CPEB2: variants seen among roughly 807,000 people sequenced by gnomAD.
CPEB2 encodes cytoplasmic polyadenylation element binding protein 2, also known as cytoplasmic polyadenylation element-binding protein 2.
A neutral mutation model predicts 93.6 loss-of-function variants in CPEB2; 56 were observed. That is an observed-to-expected ratio of 0.60 (90% confidence interval 0.48 to 0.75). The LOEUF is 0.75. Ranked by LOEUF, CPEB2 falls within the 30% of genes least tolerant of loss-of-function variation. The probability of loss-of-function intolerance (pLI) is 0.00; values close to 1 mark genes in which losing one functional copy is unlikely to be tolerated. For missense variants in CPEB2, 1,579 were observed against 1,395.1 expected, an observed-to-expected ratio of 1.13 and a Z score of -2.10; for synonymous variants, 764 against 586.3, an observed-to-expected ratio of 1.30 and a Z score of -4.38.
At chr4:15,056,933 TAAC>T (rs1244735430) in intron 8 of CPEB2, among the ~76,000 whole-genome samples, 1 of 152,134 alleles carries the variant, frequency 6.6e-6, no homozygotes, top group African/African-American at 2.4e-5. Flanking sequence ...TCCCTAATAA[TAAC>T]AAAAATTGAG....
At position 15,052,452 on chromosome 4, in the gene CPEB2, G is replaced by C; in HGVS notation, c.2239G>C (p.Asp747His). Residue 747 changes from aspartate to histidine, a missense_variant, in exon 7 of 12, where the codon GAT becomes CAT. This residue lies in a region of CPEB2 where 1,411 missense variants were observed against 1,056.0 expected (regional missense o/e 1.34). Coordinates refer to ENST00000538197, the MANE Select transcript of CPEB2 (RefSeq NM_001177382.2). ...CTTTCCAATAGATGATGGCTTGCTT[G>C]ATGATGGTCACAGTGATCAAGTTGG... The part of the protein sequence containing the change: ...SLFPIDDGLL[D>H]DGHSDQVGVL... 1 of 1,566,658 alleles carries C rather than the reference G, an allele frequency of 6.4e-7. No homozygotes were observed. The highest frequency in any genetic ancestry group is 8.7e-7 in the Non-Finnish European group (1 of 1,151,526).
chr4:15,019,162 G>A lies in CPEB2; in HGVS notation c.2125+1884G>A, dbSNP rs183180628. ...ACGTGGAATATTTTATCTTCCACGTGTTTTATGACGGAATTTTTAAGTAGA... is the reference window on the plus strand; with the variant it reads ...ACGTGGAATATTTTATCTTCCACGTATTTTATGACGGAATTTTTAAGTAGA... On this transcript the variant is annotated intron_variant, in intron 4 of 11. Transcript: ENST00000538197. Among the ~76,000 whole-genome samples the A allele has an allele frequency of 2.9e-3, 443 of 151,066 alleles. 6 individuals carry two copies. The highest frequency in any genetic ancestry group is 0.011 in the African/African-American group (438 of 41,238).
At chr4:15,024,232 G>C (rs1384622773) in intron 4 of CPEB2, among the ~76,000 whole-genome samples, 2 of 151,522 alleles carry the variant, frequency 1.3e-5, no homozygotes, top group Non-Finnish European at 2.9e-5. Context: ...TTTTTCTGTG[G>C]AATCCATGTC....
At chr4:15,014,946 A>G (rs1170867836) in intron 3 of CPEB2, among the ~76,000 whole-genome samples, 1 of 151,968 alleles carries the variant, frequency 6.6e-6, no homozygotes, top group Non-Finnish European at 1.5e-5. Context: ...TTAATATTTC[A>G]TTTATTTTAG....
intron 2 of CPEB2, among the ~76,000 whole-genome samples, chr4:15,007,944 T>A (rs1723039792): frequency 6.6e-6 from 1 of 152,204 alleles, no homozygotes; most frequent in Non-Finnish European, 1.5e-5. Context: ...TAATATGTTC[T>A]GTAATTGTAA....
Position 15,003,735 on chromosome 4 carries a change from C to CGGCGGCGGG in CPEB2, c.1068_1076dup (p.Gly358_Gly360dup), listed in dbSNP as rs766533750. On this transcript the variant is annotated inframe_insertion, in exon 1 of 12. Coordinates refer to ENST00000538197, the MANE Select transcript of CPEB2 (RefSeq NM_001177382.2). ...ACCTTCCACACCCGGGCGGCGGCGG[C>CGGCGGCGGG]GGCGGCGGGGGCGGGGGGCCCCCAG... 115 of 1,211,332 alleles carry CGGCGGCGGG rather than the reference C, an allele frequency of 9.5e-5. No homozygotes were observed. The highest frequency in any genetic ancestry group is 2.9e-4 in the Middle Eastern group (1 of 3,428). 75.0% of individuals were successfully genotyped at this position (1,211,332 alleles called of 1,614,324 possible).
At position 15,003,691 on chromosome 4, in the gene CPEB2, A is replaced by C; in HGVS notation, c.1018A>C (p.Ser340Arg). ...PGGALGAGAF[S>R]SLQSPDLPHP... ...AGGTGCGCTTGGCGCGGGCGCCTTC[A>C]GCAGCCTGCAGAGCCCGGACCTTCC... is the stretch of plus-strand genomic sequence containing the variant. The change falls in exon 1 of 12, where the codon AGC becomes CGC. Residue 340 changes from serine to arginine, a missense_variant. Around this residue, in one of 2 missense-constraint regions of CPEB2, gnomAD observed 1,411 missense variants for 1,056.0 expected, o/e 1.34. Transcript: ENST00000538197. 1 of 1,453,062 alleles carries C rather than the reference A, an allele frequency of 6.9e-7. No homozygotes were observed. The highest frequency in any genetic ancestry group is 1.3e-5 in the South Asian group (1 of 76,464). 90.0% of individuals were successfully genotyped at this position (1,453,062 alleles called of 1,614,324 possible).
intron 4 of CPEB2, among the ~76,000 whole-genome samples, chr4:15,018,806 A>G (rs574732588): frequency 9.3e-5 from 14 of 149,858 alleles, no homozygotes; most frequent in Non-Finnish European, 2.1e-4. Context: ...GTTAGACAAA[A>G]TGTTCATTGT....
chr4:15,062,780 T>C (rs1560257058), intron 11 of CPEB2, among the ~76,000 whole-genome samples: 3 of 152,138 alleles, frequency 2.0e-5, no homozygotes, highest in Non-Finnish European at 2.9e-5. Flanking sequence ...TAAAAATGCA[T>C]TGTGTGTATT....
Position 15,062,013 on chromosome 4 carries a change from A to T in CPEB2, c.2696-66A>T. On this transcript the variant is annotated intron_variant, in intron 10 of 11. Transcript: ENST00000538197. Reference sequence around the variant, plus strand: ...CTATTGACTTTTACGTTTTACAAAAAGTACTTAAAAATTGTTGATTACTGT... The same window carrying T: ...CTATTGACTTTTACGTTTTACAAAATGTACTTAAAAATTGTTGATTACTGT... The T allele has an allele frequency of 2.9e-6, 4 of 1,390,372 alleles. No homozygotes were observed. The East Asian group carries it at 9.3e-5, about 32-fold the overall frequency. 86.1% of individuals were successfully genotyped at this position (1,390,372 alleles called of 1,614,324 possible). A position where few individuals can be genotyped will look rare whatever the true frequency, so the allele number is the denominator to read the frequency against.
intron 6 of CPEB2, among the ~76,000 whole-genome samples, chr4:15,048,459 T>C (rs770337947): frequency 1.3e-5 from 2 of 152,042 alleles, no homozygotes; most frequent in Non-Finnish European, 2.9e-5. Context: ...AAGCTGCATT[T>C]TTCAAGGGAT....
rs781648039 is a variant in CPEB2, at chr4:15,017,257, G to C, written c.2104G>C (p.Ala702Pro). Reference sequence around the variant, plus strand: ...AAATTCCCTTATCGATATTATGAGAGCAGAGCATGATCCTCTTAAGGGTAG... The same window carrying C: ...AAATTCCCTTATCGATATTATGAGACCAGAGCATGATCCTCTTAAGGGTAG... The part of the protein sequence containing the change: ...LENSLIDIMR[A>P]EHDPLKGRLS... The change falls in exon 4 of 12, where the codon GCA (alanine) becomes CCA (proline). Residue 702 changes from alanine (A) to proline (P), a missense_variant. By Grantham distance (27) the Ala-to-Pro change is conservative (BLOSUM62 -1). Transcript: ENST00000538197. 4 of 1,593,980 alleles carry C rather than the reference G, an allele frequency of 2.5e-6. No individual in the cohort carries two copies. The highest frequency in any genetic ancestry group is 2.2e-5 in the South Asian group (2 of 90,462).
chr4:15,015,435 GCATTCCTTCCGT>G (rs766092298), intron 3 of CPEB2, among the ~76,000 whole-genome samples: 30 of 152,022 alleles, frequency 2.0e-4, no homozygotes, highest in Middle Eastern at 3.2e-3. Flanking sequence ...CTCCAGTCTA[GCATTCCTTCCGT>G]CATTCAGTGT....
Position 15,017,664 on chromosome 4 carries a change from A to C in CPEB2, c.2125+386A>C, listed in dbSNP as rs192438113. The C allele has an allele frequency of 1.7e-3, 261 of 153,202 alleles. 3 individuals are homozygous for C. The highest frequency in any genetic ancestry group is 5.8e-4 in the Non-Finnish European group (40 of 68,752). 9.5% of individuals were successfully genotyped at this position (153,202 alleles called of 1,614,324 possible). Reference sequence around the variant, plus strand: ...TTCCAGCCTAGAATTATCCCTAGTTAACCTCCTTTCTCTATTTTTCTTCTA... The same window carrying C: ...TTCCAGCCTAGAATTATCCCTAGTTCACCTCCTTTCTCTATTTTTCTTCTA... On this transcript the variant is annotated intron_variant, in intron 4 of 11. Coordinates refer to ENST00000538197, the MANE Select transcript of CPEB2 (RefSeq NM_001177382.2).
chr4:15,045,022 C>G (rs1436188497), intron 6 of CPEB2, among the ~76,000 whole-genome samples: 3 of 152,150 alleles, frequency 2.0e-5, no homozygotes, highest in Non-Finnish European at 2.9e-5. Context: ...TTCTTGAACT[C>G]ATAGTTAAGA....
intron 1 of CPEB2, 53 bp from the exon 2 acceptor site, chr4:15,007,252 T>A (rs1722938104): frequency 7.2e-7 from 1 of 1,382,890 alleles, no homozygotes; most frequent in Non-Finnish European, 9.5e-7. Context: ...GAATTTGAAT[T>A]TGAATTGTAA....
In CPEB2 at chr4:15,067,124, C is replaced by T. The variant is rs1486131139; in HGVS notation, c.*744C>T. 2 of 152,486 alleles carry T rather than the reference C, an allele frequency of 1.3e-5. No homozygotes were observed. Among genetic ancestry groups the T allele is most frequent in the Non-Finnish European group, 2.9e-5 (2 of 67,996 alleles). 9.4% of individuals were successfully genotyped at this position (152,486 alleles called of 1,614,324 possible). On this transcript the variant is annotated 3_prime_UTR_variant, in exon 12 of 12. Coordinates refer to ENST00000538197, the MANE Select transcript of CPEB2 (RefSeq NM_001177382.2). ...AGAATGTGAAAAAAATGCATGTTTACTTACCTGTATACACCATATGCATGC... is the reference window on the plus strand; with the variant it reads ...AGAATGTGAAAAAAATGCATGTTTATTTACCTGTATACACCATATGCATGC...
intron 4 of CPEB2, chr4:15,017,721 T>A (rs1724335378): frequency 6.6e-6 from 1 of 151,836 alleles, no homozygotes; most frequent in Non-Finnish European, 1.5e-5. Flanking sequence ...GGGGGGAGTA[T>A]TTTATAGTAG....
intron 6 of CPEB2, among the ~76,000 whole-genome samples, chr4:15,049,692 G>A (rs902770917): frequency 1.6e-4 from 25 of 152,054 alleles, no homozygotes; most frequent in Admixed American, 7.2e-4. Flanking sequence ...TAATAACAGC[G>A]GTATTTGAAA....
Sources: allele counts gnomAD v4.1 joint callset (sites outside exome capture counted in the v4.1 genomes callset), GRCh38; gene constraint gnomAD v4.1.1; regional missense constraint gnomAD v4.1.1; transcripts MANE v1.5; gene names NCBI Gene and HGNC (gene_info 2026-07-23, HGNC 2026-07-21).